The following EXOC6B variants were observed in gnomAD, a reference collection of about 807,000 sequenced individuals.
EXOC6B encodes SEC15 homolog B.
EXOC6B carries 54 observed loss-of-function variants against 113.5 expected under a neutral mutation model. The ratio of observed to expected loss-of-function variants is 0.48; its 90% confidence interval spans 0.38 to 0.60. The LOEUF is 0.60. Ranked by LOEUF, EXOC6B falls within the 20% of genes least tolerant of loss-of-function variation. The pLI is 0.00. For missense variants in EXOC6B, 797 were observed against 977.5 expected (o/e 0.82, Z 2.46); for synonymous variants, 357 against 339.0 (o/e 1.05, Z -0.58).
At chr2:72,189,724 C>T (rs1488999308) in intron 20 of EXOC6B, among the ~76,000 whole-genome samples, 1 of 149,156 alleles carries the variant, frequency 6.7e-6, no homozygotes, top group East Asian at 2.0e-4. Flanking sequence ...CCACCGTGCC[C>T]CTCCCCTCCC....
At chr2:72,666,814 CACACACACAA>C (rs1047849808) in intron 6 of EXOC6B, among the ~76,000 whole-genome samples, 34 of 150,826 alleles carry the variant, frequency 2.3e-4, no homozygotes, top group South Asian at 1.7e-3. Context: ...CACACACACA[CACACACACAA>C]AGAAATGCCT....
intron 20 of EXOC6B, among the ~76,000 whole-genome samples, chr2:72,226,261 G>A (rs539689321): frequency 4.6e-5 from 7 of 152,242 alleles, no homozygotes; most frequent in African/African-American, 1.4e-4. Flanking sequence ...TTCAAATAAA[G>A]TCTACAGTTT....
intron 1 of EXOC6B, among the ~76,000 whole-genome samples, chr2:72,785,763 C>T (rs1684341668): frequency 6.6e-6 from 1 of 152,242 alleles, no homozygotes; most frequent in Non-Finnish European, 1.5e-5. Flanking sequence ...GGAGGGGCTG[C>T]CTGGAGACAT....
intron 8 of EXOC6B, among the ~76,000 whole-genome samples, chr2:72,535,594 C>G (rs998793213): frequency 6.6e-6 from 1 of 151,996 alleles, no homozygotes; most frequent in Non-Finnish European, 1.5e-5. Context: ...AAAATCAGGC[C>G]AGGTGTGGTG....
chr2:72,500,899 GT>G (rs1256271430), intron 11 of EXOC6B, among the ~76,000 whole-genome samples: 5 of 151,962 alleles, frequency 3.3e-5, no homozygotes, highest in Non-Finnish European at 5.9e-5. Context: ...ATTACTAACA[GT>G]TTTTGTTTTA....
At chr2:72,704,330 G>T (rs1678674101) in intron 6 of EXOC6B, among the ~76,000 whole-genome samples, 1 of 151,094 alleles carries the variant, frequency 6.6e-6, no homozygotes, top group Middle Eastern at 3.2e-3. Context: ...TCAAAGCAGT[G>T]TGTAGAGGGA....
intron 19 of EXOC6B, among the ~76,000 whole-genome samples, chr2:72,353,200 T>A (rs1420820078): frequency 1.3e-5 from 2 of 152,188 alleles, no homozygotes; most frequent in East Asian, 3.8e-4. Context: ...GGCCACACAC[T>A]GCCCTTGAGC....
At chr2:72,475,077 G>T (rs1489512772) in intron 17 of EXOC6B, among the ~76,000 whole-genome samples, 4 of 152,160 alleles carry the variant, frequency 2.6e-5, no homozygotes, top group African/African-American at 9.7e-5. Context: ...AAATGAGGCT[G>T]TGGTTTTGCT....
In EXOC6B at chr2:72,639,528, G is replaced by A. The variant is rs191737158; in HGVS notation, c.670-63860C>T. 1.2e-4 allele frequency among the ~76,000 whole-genome samples: 18 copies of A among 152,282 alleles called. No individual in the cohort carries two copies. The East Asian group carries it at 3.3e-3, about 28-fold the overall frequency. ...GCAGTTTGCCACAGCTTCCACTACTGCTGCTGCTGCCATCCATGTGCAAAC... is the reference window on the plus strand; with the variant it reads ...GCAGTTTGCCACAGCTTCCACTACTACTGCTGCTGCCATCCATGTGCAAAC... On this transcript the variant is annotated intron_variant, in intron 6 of 21. Transcript: ENST00000272427.
At chr2:72,559,679 C>T (rs1238166832) in intron 7 of EXOC6B, among the ~76,000 whole-genome samples, 158 bp from the exon 8 acceptor site, 3 of 152,106 alleles carry the variant, frequency 2.0e-5, no homozygotes, top group African/African-American at 7.2e-5. Context: ...TTCCAAAGAC[C>T]TAGTTCTTAT....
chr2:72,370,405 C>T (rs949719628), intron 19 of EXOC6B, among the ~76,000 whole-genome samples: 3 of 152,180 alleles, frequency 2.0e-5, no homozygotes, highest in African/African-American at 7.2e-5. Context: ...CACTTTTACA[C>T]TGTTGGTGGG....
At chr2:72,339,979 T>C (rs944390131) in intron 19 of EXOC6B, among the ~76,000 whole-genome samples, 18 of 152,162 alleles carry the variant, frequency 1.2e-4, no homozygotes, top group African/African-American at 4.3e-4. Context: ...ATATTTCTAA[T>C]AATCTTCACA....
intron 6 of EXOC6B, among the ~76,000 whole-genome samples, chr2:72,705,710 T>G (rs900190101): frequency 2.0e-5 from 3 of 151,746 alleles, no homozygotes; most frequent in Non-Finnish European, 4.4e-5. Flanking sequence ...CACACACTCA[T>G]GCATGCGCAC....
chr2:72,722,189 T>G (rs1680053941), intron 5 of EXOC6B, among the ~76,000 whole-genome samples: 1 of 152,048 alleles, frequency 6.6e-6, no homozygotes. Flanking sequence ...ATATTTTTCC[T>G]TTGGATGGCA....
At chr2:72,417,749 T>C (rs1171630368) in intron 18 of EXOC6B, among the ~76,000 whole-genome samples, 1 of 152,190 alleles carries the variant, frequency 6.6e-6, no homozygotes, top group Non-Finnish European at 1.5e-5. Flanking sequence ...TATGGTATGA[T>C]ATATAACTCC....
intron 6 of EXOC6B, among the ~76,000 whole-genome samples, chr2:72,609,911 G>C (rs1262607882): frequency 6.6e-6 from 1 of 152,008 alleles, no homozygotes; most frequent in Non-Finnish European, 1.5e-5. Flanking sequence ...AAAACAATTT[G>C]AATACAACTA....
At chr2:72,476,778 C>CA (rs1698771543) in intron 17 of EXOC6B, among the ~76,000 whole-genome samples, 1 of 152,084 alleles carries the variant, frequency 6.6e-6, no homozygotes, top group South Asian at 2.1e-4. Flanking sequence ...TAATATAAAA[C>CA]AAAGTGCTTC....
At chr2:72,700,982 T>C (rs561631022) in intron 6 of EXOC6B, among the ~76,000 whole-genome samples, 1 of 151,906 alleles carries the variant, frequency 6.6e-6, no homozygotes, top group South Asian at 2.1e-4. Flanking sequence ...GTAATATATA[T>C]TTTACCACAA....
intron 1 of EXOC6B, among the ~76,000 whole-genome samples, chr2:72,787,716 G>C (rs1407314160): frequency 6.6e-6 from 1 of 152,040 alleles, no homozygotes; most frequent in African/African-American, 2.4e-5. Context: ...GTATCATCAG[G>C]ACTCACTGCA....
Sources: allele counts gnomAD v4.1 joint callset (sites outside exome capture counted in the v4.1 genomes callset), GRCh38; gene constraint gnomAD v4.1.1; transcripts MANE v1.5; gene names NCBI Gene and HGNC (gene_info 2026-07-23, HGNC 2026-07-21).